Variants in ZNF778 observed in about 807,000 individuals in gnomAD.
The protein encoded by ZNF778 is zinc finger protein 778.
In ZNF778, 37 loss-of-function variants were observed where a neutral mutation model predicts 23.9. That is an observed-to-expected ratio of 1.54 (90% confidence interval 1.19 to 2.03). ZNF778 has a LOEUF of 2.03. Among genes scored for constraint, ZNF778 ranks in the 30% most tolerant of loss-of-function variants. The probability of loss-of-function intolerance (pLI) is 0.00; values close to 1 mark genes in which losing one functional copy is unlikely to be tolerated. For synonymous variants in ZNF778, 483 were observed against 343.9 expected (o/e 1.40, Z -4.48); for missense variants, 1,297 against 934.4 (o/e 1.39, Z -5.06).
intron 1 of ZNF778, among the ~76,000 whole-genome samples, chr16:89,219,922 C>T (rs977879670): frequency 6.6e-6 from 1 of 152,236 alleles, no homozygotes; most frequent in East Asian, 1.9e-4. Flanking sequence ...ATCCAGACTG[C>T]TGAACTCGTA....
Position 89,234,016 on chromosome 16 carries a change from C to T in ZNF778, c.*5454C>T. On this transcript the variant is annotated 3_prime_UTR_variant, in exon 7 of 7. Transcript: ENST00000433976. ...CCTGTCCTGCCTTTCCTGTGAAAAC[C>T]CTGTGGCCTCTGCCTCCCCTGGCTC... The T allele has an allele frequency of 9.0e-7, 1 of 1,112,634 alleles. No homozygotes were observed. The highest frequency in any genetic ancestry group is 1.2e-6 in the Non-Finnish European group (1 of 827,446). The allele number at this position is 1,112,634 out of a possible 1,614,324, so 68.9% of individuals were successfully genotyped here.
chr16:89,222,760 C>G (rs1266853014), intron 3 of ZNF778, among the ~76,000 whole-genome samples: 1 of 152,254 alleles, frequency 6.6e-6, no homozygotes, highest in Non-Finnish European at 1.5e-5. Flanking sequence ...GGTATCCTCT[C>G]TGGGAACTTA....
intron 5 of ZNF778, among the ~76,000 whole-genome samples, chr16:89,225,194 C>T (rs796363239): frequency 3.8e-5 from 5 of 131,032 alleles, no homozygotes; most frequent in African/African-American, 1.4e-4. Context: ...TGGCTCACTG[C>T]AAACTCTGCC....
At position 89,222,183 on chromosome 16, in the gene ZNF778, G is replaced by A. The variant is rs1194758632; in HGVS notation, c.117G>A (p.Gln39=). 1.3e-6 allele frequency: 2 copies of A among 1,598,984 alleles called. No individual in the cohort carries two copies. The highest frequency in any genetic ancestry group is 2.7e-5 in the African/African-American group (2 of 74,432). ...MVAGWLINCY[Q]DAVTFDDVAV... ...CTGGCTGGCTGATAAATTGTTACCA[G>A]GTATGCCAAAACTGTATTTTTTCTT... The change falls in exon 3 of 7, where the codon CAG becomes CAA. Residue 39 remains glutamine (Q), a splice_region_variant and synonymous_variant. Coordinates refer to ENST00000433976, the MANE Select transcript of ZNF778 (RefSeq NM_001201407.2).
rs558315828 is a variant in ZNF778, at chr16:89,220,744, A to C, written c.-131-253A>C. Among the ~76,000 whole-genome samples the C allele has an allele frequency of 2.0e-5, 3 of 152,332 alleles. No homozygotes were observed. In the East Asian group the frequency reaches 5.8e-4, roughly 29 times the overall value. On this transcript the variant is annotated intron_variant, in intron 1 of 6. Transcript: ENST00000433976. ...ACTTCCTAAGTGGATGATGTGGACC[A>C]GTTCATGTTATCTGAATCCAGGCTG...
intron 1 of ZNF778, among the ~76,000 whole-genome samples, chr16:89,219,919 C>G (rs1242753592): frequency 1.3e-5 from 2 of 152,242 alleles, no homozygotes; most frequent in East Asian, 3.8e-4. Flanking sequence ...GTAATCCAGA[C>G]TGCTGAACTC....
intron 2 of ZNF778, 139 bp downstream of exon 2, chr16:89,221,291 T>C: frequency 2.0e-6 from 2 of 1,000,428 alleles, no homozygotes; most frequent in Non-Finnish European, 1.5e-6. Flanking sequence ...CAGAGAATGC[T>C]GACCTGTAAG....
rs2031618576 is a variant in ZNF778, at chr16:89,227,676, G to T, written c.1388G>T (p.Gly463Val). 6.2e-7 allele frequency: 1 copy of T among 1,613,986 alleles called. No individual in the cohort carries two copies. Among genetic ancestry groups the T allele is most frequent in the African/African-American group, 1.3e-5 (1 of 74,884 alleles). ...GGGAAAGCCTTCTGTACATCCTCGG[G>T]CCTTACTGAGCATGTAAGGACTCAC... is the stretch of plus-strand genomic sequence containing the variant. Reference protein sequence around the residue: ...DCGKAFCTSSGLTEHVRTHTG... With the variant: ...DCGKAFCTSSVLTEHVRTHTG... The change falls in exon 7 of 7, where the codon GGC becomes GTC. Residue 463 changes from glycine (G) to valine (V), a missense_variant. By Grantham distance (109) the Gly-to-Val change is moderately radical. Transcript: ENST00000433976.
intron 1 of ZNF778, chr16:89,218,306 T>C: frequency 6.6e-6 from 1 of 152,258 alleles, no homozygotes; most frequent in East Asian, 1.9e-4. Flanking sequence ...ATCGTTTTAC[T>C]CCTTTTTAGC....
intron 1 of ZNF778, among the ~76,000 whole-genome samples, chr16:89,219,666 C>T (rs2030725483): frequency 6.6e-6 from 1 of 152,264 alleles, no homozygotes; most frequent in Non-Finnish European, 1.5e-5. Flanking sequence ...ACCATGGACG[C>T]TGTGTCAGTG....
rs1311092061 is a variant in ZNF778, at chr16:89,232,949, A to G, written c.*4387A>G. 1.6e-6 allele frequency: 2 copies of G among 1,253,962 alleles called. No individual in the cohort carries two copies. The highest frequency in any genetic ancestry group is 6.5e-5 in the East Asian group (1 of 15,446). 77.7% of individuals were successfully genotyped at this position (1,253,962 alleles called of 1,614,324 possible). On this transcript the variant is annotated 3_prime_UTR_variant, in exon 7 of 7. Coordinates refer to ENST00000433976, the MANE Select transcript of ZNF778 (RefSeq NM_001201407.2). ...TGCGAATCCACTCACTGCCTATGCA[A>G]CTCAGCTCGCTCTGCGTATGCAACT...
chr16:89,220,762 C>T (rs2030854192), intron 1 of ZNF778, among the ~76,000 whole-genome samples: 1 of 152,158 alleles, frequency 6.6e-6, no homozygotes, highest in South Asian at 2.1e-4. Context: ...TTATCTGAAT[C>T]CAGGCTGTTT....
In ZNF778 at chr16:89,236,735, T is replaced by C. The variant is rs1003972521; in HGVS notation, c.*8173T>C. On this transcript the variant is annotated 3_prime_UTR_variant, in exon 7 of 7. Coordinates refer to ENST00000433976, the MANE Select transcript of ZNF778 (RefSeq NM_001201407.2). ...CTCCATTTCAGTGGCAAAATACCAT[T>C]CCAGAAGGACTGGAAAAGCTAAGTC... 6.6e-6 allele frequency: 1 copy of C among 152,180 alleles called. No individual in the cohort carries two copies. Among genetic ancestry groups the C allele is most frequent in the Non-Finnish European group, 1.5e-5 (1 of 68,040 alleles). The allele number at this position is 152,180 out of a possible 1,614,324, so 9.4% of individuals were successfully genotyped here.
At position 89,227,274 on chromosome 16, in the gene ZNF778, G is replaced by A. The variant is rs780142517; in HGVS notation, c.986G>A (p.Arg329Lys). ...PVSSSLTQHV[R>K]IHAAEKPCEC... is the part of the protein sequence containing the mutation. ...TCTTCCAGCCTAACTCAACATGTAAGAATTCATGCTGCAGAGAAACCCTGT... is the reference window on the plus strand; with the variant it reads ...TCTTCCAGCCTAACTCAACATGTAAAAATTCATGCTGCAGAGAAACCCTGT... Residue 329 changes from arginine (R) to lysine (K), a missense_variant, in exon 7 of 7, where the codon AGA (arginine) becomes AAA (lysine). By Grantham distance (26) the Arg-to-Lys change is conservative. Transcript: ENST00000433976. 1.2e-5 allele frequency: 19 copies of A among 1,613,960 alleles called. No individual in the cohort carries two copies. In the South Asian group the frequency reaches 2.1e-4, roughly 18 times the overall value.
In ZNF778 at chr16:89,234,391, T is replaced by C; in HGVS notation, c.*5829T>C. The C allele has an allele frequency of 3.7e-6, 1 of 273,094 alleles. No individual in the cohort carries two copies. The highest frequency in any genetic ancestry group is 3.8e-5 in the South Asian group (1 of 26,036). 16.9% of individuals were successfully genotyped at this position (273,094 alleles called of 1,614,324 possible). On this transcript the variant is annotated 3_prime_UTR_variant, in exon 7 of 7. Transcript: ENST00000433976. ...AAAGTGGTTGTGAAACAGCATCTCC[T>C]TGGGGTGTTGGTTTGCACTTCTCTT...
At position 89,217,788 on chromosome 16, in the gene ZNF778, G is replaced by C. The variant is rs1351905238; in HGVS notation, c.-254G>C. On this transcript the variant is annotated 5_prime_UTR_variant, in exon 1 of 7. Transcript: ENST00000433976. ...GTGTCCTCGGGCTGTCCGCGGGGAA[G>C]CTGGTCCGGGAGTGGGCGCCCGCCC... is the stretch of plus-strand genomic sequence containing the variant. 1 of 152,240 alleles carries C rather than the reference G, an allele frequency of 6.6e-6. No individual in the cohort carries two copies. Among genetic ancestry groups the C allele is most frequent in the Non-Finnish European group, 1.5e-5 (1 of 68,052 alleles). 9.4% of individuals were successfully genotyped at this position (152,240 alleles called of 1,614,324 possible). A position where few individuals can be genotyped will look rare whatever the true frequency, so the allele number is the denominator to read the frequency against.
chr16:89,232,538 C>A lies in ZNF778; in HGVS notation c.*3976C>A. On this transcript the variant is annotated 3_prime_UTR_variant, in exon 7 of 7. Transcript: ENST00000433976. ...CTAACTCTCAGAACGTGTTCTGTGT[C>A]ACTTAGGGCAACTTATGCCCTCCTG... 1.1e-6 allele frequency: 1 copy of A among 924,938 alleles called. No individual in the cohort carries two copies. The highest frequency in any genetic ancestry group is 1.7e-5 in the South Asian group (1 of 57,648). 57.3% of individuals were successfully genotyped at this position (924,938 alleles called of 1,614,324 possible). A position where few individuals can be genotyped will look rare whatever the true frequency, so the allele number is the denominator to read the frequency against.
In ZNF778 at chr16:89,232,903, C is replaced by CAACTCAACTCGCACTGCGTATGT. The variant is rs2032014347; in HGVS notation, c.*4363_*4364insTAACTCAACTCGCACTGCGTATG. 7.8e-7 allele frequency: 1 copy of CAACTCAACTCGCACTGCGTATGT among 1,282,260 alleles called. No individual in the cohort carries two copies. The highest frequency in any genetic ancestry group is 1.0e-6 in the Non-Finnish European group (1 of 986,246). The allele number at this position is 1,282,260 out of a possible 1,614,324, so 79.4% of individuals were successfully genotyped here. On this transcript the variant is annotated 3_prime_UTR_variant, in exon 7 of 7. Coordinates refer to ENST00000433976, the MANE Select transcript of ZNF778 (RefSeq NM_001201407.2). ...TGCAACTCAACTCGCACTGCGTATG[C>CAACTCAACTCGCACTGCGTATGT]AACTCAACTCGCACTGCGTATGCGA...
intron 3 of ZNF778, 63 bp downstream of exon 3, chr16:89,222,246 C>A (rs1567497998): frequency 7.4e-7 from 1 of 1,348,958 alleles, no homozygotes; most frequent in Non-Finnish European, 1.0e-6. Flanking sequence ...AGACAAGTTT[C>A]TGTCTGAGCA....
Sources: allele counts gnomAD v4.1 joint callset (sites outside exome capture counted in the v4.1 genomes callset), GRCh38; gene constraint gnomAD v4.1.1; transcripts MANE v1.5; gene names NCBI Gene and HGNC (gene_info 2026-07-23, HGNC 2026-07-21).